CCDC39: variants seen among roughly 807,000 people sequenced by gnomAD.
CCDC39 encodes the protein coiled-coil domain 39 molecular ruler complex subunit, also known as coiled-coil domain-containing protein 39.
Under a neutral mutation model 121.0 loss-of-function variants are expected in CCDC39, and 113 were observed. The observed-to-expected ratio is 0.93, with a 90% CI of 0.80 to 1.09. CCDC39 has a LOEUF of 1.09. CCDC39 is among the 50% of genes least tolerant of loss of function. The probability of loss-of-function intolerance (pLI) is 0.00; values close to 1 mark genes in which losing one functional copy is unlikely to be tolerated. For missense variants in CCDC39, 1,063 were observed against 1,074.7 expected, an observed-to-expected ratio of 0.99 and a Z score of 0.15; for synonymous variants, 349 against 352.2, an observed-to-expected ratio of 0.99 and a Z score of 0.10.
chr3:180,667,885 T>C (rs1278395036), intron 1 of CCDC39, among the ~76,000 whole-genome samples: 1 of 152,122 alleles, frequency 6.6e-6, no homozygotes, highest in Admixed American at 6.5e-5. Context: ...AACACACAAA[T>C]GATAAGAAAG....
chr3:180,674,287 A>T (rs1712130868), intron 1 of CCDC39, among the ~76,000 whole-genome samples: 1 of 152,004 alleles, frequency 6.6e-6, no homozygotes, highest in African/African-American at 2.4e-5. Context: ...TTTGTCTGTT[A>T]TTGGTGTATA....
At chr3:180,668,602 A>G (rs1473533345) in intron 1 of CCDC39, among the ~76,000 whole-genome samples, 1 of 152,152 alleles carries the variant, frequency 6.6e-6, no homozygotes, top group Non-Finnish European at 1.5e-5. Flanking sequence ...CAACCTTTTC[A>G]CATTTAGTAA....
rs1210959281 is a variant in CCDC39 at position 180,659,484 on chromosome 3, T to C, written c.706A>G (p.Lys236Glu). The C allele has an allele frequency of 5.6e-6, 9 of 1,613,562 alleles. No homozygotes were observed. The East Asian group carries it at 2.0e-4, about 36-fold the overall frequency. Residue 236 changes from lysine to glutamate, a missense_variant, in exon 6 of 20, where the codon AAG becomes GAG. Physicochemically the swap from Lys to Glu is moderately conservative, Grantham distance 56. Coordinates refer to ENST00000476379, the MANE Select transcript of CCDC39 (RefSeq NM_181426.2). ...CAGTTATCTATGTCTCCATCCCTCTTCTGCATCTGTTCTATTGTGTTCTCC... is the reference window on the plus strand; with the variant it reads ...CAGTTATCTATGTCTCCATCCCTCTCCTGCATCTGTTCTATTGTGTTCTCC... Reference protein sequence around the residue: ...QWENTIEQMQKRDGDIDNCAL... With the variant: ...QWENTIEQMQERDGDIDNCAL...
intron 16 of CCDC39, chr3:180,617,733 T>A (rs1339210120): frequency 1.3e-5 from 5 of 375,448 alleles, no homozygotes; most frequent in Non-Finnish European, 2.4e-5. Context: ...AGTAAAAAAA[T>A]TTTACAAAAT....
intron 14 of CCDC39, among the ~76,000 whole-genome samples, chr3:180,630,978 G>C (rs1223213537): frequency 6.6e-6 from 1 of 152,154 alleles, no homozygotes. Flanking sequence ...ATAAGAGTGG[G>C]TGGCTATAGT....
At chr3:180,633,399 A>G (rs545971166) in intron 13 of CCDC39, among the ~76,000 whole-genome samples, 35 of 152,360 alleles carry the variant, frequency 2.3e-4, no homozygotes, top group Non-Finnish European at 4.1e-4. Flanking sequence ...AGAAGAGGAT[A>G]TTGATTCCAA....
At position 180,679,166 on chromosome 3, in the gene CCDC39, G is replaced by C; in HGVS notation, c.90+125C>G. The C allele has an allele frequency of 1.3e-6, 1 of 763,330 alleles. No homozygotes were observed. The highest frequency in any genetic ancestry group is 2.4e-6 in the Non-Finnish European group (1 of 415,840). 47.3% of individuals were successfully genotyped at this position (763,330 alleles called of 1,614,324 possible). ...AAGGGAGGAGGGCGATGGTGCGGGG[G>C]AGTGTTAGAGGAAGCACAGGATTAG... On this transcript the variant is annotated intron_variant, in intron 1 of 19. Transcript: ENST00000476379. This position sits in a 1 kb window ranked among gnomAD's most constrained non-coding sequence, Gnocchi z 4.0.
chr3:180,639,395 A>G (rs545378991), intron 13 of CCDC39, among the ~76,000 whole-genome samples: 4 of 152,170 alleles, frequency 2.6e-5, no homozygotes, highest in Non-Finnish European at 5.9e-5. Flanking sequence ...ATCAACCAAC[A>G]AGTGGATAAA....
At chr3:180,649,845 G>A (rs1718155326) in intron 9 of CCDC39, among the ~76,000 whole-genome samples, 1 of 152,216 alleles carries the variant, frequency 6.6e-6, no homozygotes, top group African/African-American at 2.4e-5. Context: ...AGTGTTTACA[G>A]GTTTCTGATA....
At chr3:180,648,122 G>C (rs1385261042) in intron 10 of CCDC39, 43 bp downstream of exon 10, 2 of 1,482,158 alleles carry the variant, frequency 1.3e-6, no homozygotes, top group South Asian at 1.2e-5. Flanking sequence ...CATCACAACT[G>C]TAATAAATCA....
Position 180,631,459 on chromosome 3 carries a change from T to C in CCDC39, c.1998+10A>G, listed in dbSNP as rs773640065. ...TCATACCATCACAACTGTGAATCAA[T>C]TAAAATTACCTTTATTACATAATAG... is the stretch of plus-strand genomic sequence containing the variant. On this transcript the variant is annotated intron_variant, in intron 14 of 19. Coordinates refer to ENST00000476379, the MANE Select transcript of CCDC39 (RefSeq NM_181426.2). The C allele has an allele frequency of 5.6e-6, 9 of 1,595,862 alleles. No homozygotes were observed. Among genetic ancestry groups the C allele is most frequent in the Non-Finnish European group, 6.8e-6 (8 of 1,176,386 alleles).
intron 3 of CCDC39, among the ~76,000 whole-genome samples, chr3:180,661,278 G>C (rs1382300361): frequency 6.6e-6 from 1 of 151,842 alleles, no homozygotes; most frequent in East Asian, 1.9e-4. Context: ...TAAAAAAACA[G>C]AGACAACTAT....
In CCDC39 at chr3:180,659,472, C is replaced by G; in HGVS notation, c.718G>C (p.Asp240His). The change falls in exon 6 of 20, where the codon GAC (aspartate) becomes CAC (histidine). Residue 240 changes from aspartate to histidine, a missense_variant. Transcript: ENST00000476379. ...TIEQMQKRDG[D>H]IDNCALELAR... Reference sequence around the variant, plus strand: ...TTTACCAAAGCACAGTTATCTATGTCTCCATCCCTCTTCTGCATCTGTTCT... The same window carrying G: ...TTTACCAAAGCACAGTTATCTATGTGTCCATCCCTCTTCTGCATCTGTTCT... The G allele has an allele frequency of 6.2e-7, 1 of 1,613,484 alleles. No individual in the cohort carries two copies. The highest frequency in any genetic ancestry group is 1.1e-5 in the South Asian group (1 of 91,074).
chr3:180,665,188 A>T (rs1338554304), intron 1 of CCDC39, among the ~76,000 whole-genome samples: 1 of 152,198 alleles, frequency 6.6e-6, no homozygotes, highest in Non-Finnish European at 1.5e-5. Context: ...ACTCTTATGT[A>T]CCTAGAAACT....
chr3:180,616,288 A>G lies in CCDC39; in HGVS notation c.2662T>C (p.Ser888Pro). The G allele has an allele frequency of 6.2e-7, 1 of 1,613,010 alleles. No individual in the cohort carries two copies. The highest frequency in any genetic ancestry group is 8.5e-7 in the Non-Finnish European group (1 of 1,179,254). Reference protein sequence around the residue: ...SSRSPSHTSLSARSSRSTSTS... With the variant: ...SSRSPSHTSLPARSSRSTSTS... Reference sequence around the variant, plus strand: ...TTTTAACCCTCCGCTTACCTTGCTGATAGTGAAGTATGTGAAGGAGATCTA... The same window carrying G: ...TTTTAACCCTCCGCTTACCTTGCTGGTAGTGAAGTATGTGAAGGAGATCTA... The change falls in exon 19 of 20, where the codon TCA becomes CCA. Residue 888 changes from serine (S) to proline (P), a missense_variant. Physicochemically the swap from Ser to Pro is moderately conservative, Grantham distance 74 (BLOSUM62 -1). Transcript: ENST00000476379.
chr3:180,658,239 CA>C (rs35457943), intron 6 of CCDC39, among the ~76,000 whole-genome samples: 8 of 106,184 alleles, frequency 7.5e-5, no homozygotes, highest in Admixed American at 9.5e-5. Context: ...AACTCAGTTT[CA>C]AAAAAAAAAG....
chr3:180,637,578 G>A (rs963266552), intron 13 of CCDC39, among the ~76,000 whole-genome samples: 3 of 152,114 alleles, frequency 2.0e-5, no homozygotes, highest in African/African-American at 7.2e-5. Context: ...CCATTACCGG[G>A]TATATACCCA....
intron 14 of CCDC39, among the ~76,000 whole-genome samples, chr3:180,621,989 T>C (rs1029822678): frequency 5.9e-5 from 9 of 152,186 alleles, no homozygotes; most frequent in African/African-American, 1.9e-4. Context: ...AGGGGTTGCA[T>C]TGAATCTGTA....
chr3:180,628,867 A>G (rs1241874491), intron 14 of CCDC39, among the ~76,000 whole-genome samples: 1 of 152,210 alleles, frequency 6.6e-6, no homozygotes, highest in African/African-American at 2.4e-5. Flanking sequence ...AGCCATAAAC[A>G]TAATATATGT....
Sources: allele counts gnomAD v4.1 joint callset (sites outside exome capture counted in the v4.1 genomes callset), GRCh38; gene constraint gnomAD v4.1.1; non-coding constraint Gnocchi (gnomAD v3.1); transcripts MANE v1.5; gene names NCBI Gene and HGNC (gene_info 2026-07-23, HGNC 2026-07-21).